GABRG3: variants seen among roughly 807,000 people sequenced by gnomAD.
GABRG3 encodes gamma-aminobutyric acid receptor subunit gamma-3.
Under a neutral mutation model 48.8 loss-of-function variants are expected in GABRG3, and 25 were observed. The ratio of observed to expected loss-of-function variants is 0.51; its 90% CI spans 0.37 to 0.72. GABRG3 has a LOEUF of 0.72. GABRG3 is among the 30% of genes least tolerant of loss of function. The pLI, the probability that GABRG3 is intolerant of heterozygous loss-of-function variation, is 0.00. For missense variants in GABRG3, 394 were observed against 577.9 expected, an observed-to-expected ratio of 0.68 and a Z score of 3.26; for synonymous variants, 227 against 217.6, an observed-to-expected ratio of 1.04 and a Z score of -0.38.
At chr15:27,187,870 T>C (rs1460996920) in intron 3 of GABRG3, among the ~76,000 whole-genome samples, 2 of 144,622 alleles carry the variant, frequency 1.4e-5, no homozygotes, top group African/African-American at 2.6e-5. Context: ...AATGCTATCC[T>C]TCCCCCCTCC....
intron 3 of GABRG3, among the ~76,000 whole-genome samples, chr15:27,144,047 A>G (rs1024082816): frequency 3.9e-5 from 6 of 152,244 alleles, no homozygotes; most frequent in Admixed American, 3.9e-4. Context: ...ACAGTTGGTA[A>G]GAAGAATAGT....
chr15:27,497,560 A>T (rs921802711), intron 6 of GABRG3, among the ~76,000 whole-genome samples: 1 of 152,222 alleles, frequency 6.6e-6, no homozygotes, highest in African/African-American at 2.4e-5. Context: ...AAATTTCTTT[A>T]TTCTTAAATG....
At chr15:27,282,500 C>T (rs1037412261) in intron 3 of GABRG3, among the ~76,000 whole-genome samples, 1 of 152,136 alleles carries the variant, frequency 6.6e-6, no homozygotes, top group Non-Finnish European at 1.5e-5. Flanking sequence ...CTATTAAGCC[C>T]ATTTAGTAAG....
At chr15:27,002,761 AAAGGAAGG>A (rs1219416419) in intron 2 of GABRG3, among the ~76,000 whole-genome samples, 5 of 41,370 alleles carry the variant, frequency 1.2e-4, no homozygotes, top group Non-Finnish European at 2.9e-4. Flanking sequence ...AAAAAAAAAA[AAAGGAAGG>A]AAGGAAGGAA....
chr15:27,529,492 A>T (rs935111572), intron 9 of GABRG3, among the ~76,000 whole-genome samples: 8 of 152,128 alleles, frequency 5.3e-5, no homozygotes, highest in Admixed American at 1.3e-4. Context: ...GCTAATCAGG[A>T]CCTCATATGC....
intron 3 of GABRG3, among the ~76,000 whole-genome samples, chr15:27,320,288 T>C (rs1893376230): frequency 6.6e-6 from 1 of 152,228 alleles, no homozygotes. Context: ...CAGGTGATTA[T>C]CACCCGGCTA....
chr15:27,244,526 G>C (rs905474753), intron 3 of GABRG3, among the ~76,000 whole-genome samples: 4 of 152,248 alleles, frequency 2.6e-5, no homozygotes, highest in Non-Finnish European at 5.9e-5. Flanking sequence ...TACTGCATTT[G>C]ATGCTTGTTT....
intron 5 of GABRG3, among the ~76,000 whole-genome samples, chr15:27,351,085 AGTGT>A (rs201032368): frequency 2.4e-5 from 3 of 127,240 alleles, no homozygotes; most frequent in African/African-American, 9.1e-5. Context: ...GTGTGTGTAT[AGTGT>A]GTGTATGGTG....
chr15:27,124,204 G>A (rs1048186317), intron 3 of GABRG3, among the ~76,000 whole-genome samples: 2 of 152,218 alleles, frequency 1.3e-5, no homozygotes, highest in African/African-American at 4.8e-5. Context: ...TCTGGATATT[G>A]TAAAGCCATA....
intron 2 of GABRG3, among the ~76,000 whole-genome samples, chr15:27,020,039 A>G (rs17647645): frequency 1.6e-3 from 239 of 152,178 alleles, no homozygotes; most frequent in Non-Finnish European, 2.5e-3. Context: ...AGCACCCACT[A>G]TTTACTGCGT....
intron 3 of GABRG3, among the ~76,000 whole-genome samples, chr15:27,046,537 C>T (rs924914951): frequency 2.0e-5 from 3 of 152,220 alleles, no homozygotes; most frequent in African/African-American, 4.8e-5. Flanking sequence ...TCTCCTGTAT[C>T]GTTAGTGCTG....
intron 5 of GABRG3, among the ~76,000 whole-genome samples, chr15:27,461,072 T>G (rs1473645019): frequency 1.3e-5 from 2 of 152,086 alleles, no homozygotes; most frequent in Non-Finnish European, 2.9e-5. Context: ...CACGAGATTG[T>G]TTTTGCTAAG....
intron 5 of GABRG3, among the ~76,000 whole-genome samples, chr15:27,379,661 T>A (rs555953175): frequency 6.6e-6 from 1 of 152,148 alleles, no homozygotes; most frequent in Admixed American, 6.6e-5. Flanking sequence ...TTCTCCTTCA[T>A]TTTTGAAGGG....
rs144224293 is a variant in GABRG3 at position 27,388,357 on chromosome 15, GAAGGAAGGAAGA to G, written c.574+59481_574+59492del. Among the ~76,000 whole-genome samples the G allele has an allele frequency of 1.6e-3, 42 of 26,980 alleles. 5 individuals are homozygous for G. Among genetic ancestry groups the G allele is most frequent in the South Asian group, 0.012 (6 of 520 alleles). 17.7% of individuals were successfully genotyped at this position (26,980 alleles called of 152,430 possible). ...AAGGAAAGGTGGGAGGGAGGGTAAG[GAAGGAAGGAAGA>G]AAGGAAGGAAGGAAGGAAAGGAGGG... On this transcript the variant is annotated intron_variant, in intron 5 of 9. Coordinates refer to ENST00000615808, the MANE Select transcript of GABRG3 (RefSeq NM_033223.5).
chr15:27,465,609 G>C (rs1226195958), intron 5 of GABRG3, among the ~76,000 whole-genome samples: 1 of 152,184 alleles, frequency 6.6e-6, no homozygotes, highest in Non-Finnish European at 1.5e-5. Flanking sequence ...TTCCAGAGAG[G>C]AGGGACACTG....
At chr15:27,309,498 C>G (rs1438709535) in intron 3 of GABRG3, among the ~76,000 whole-genome samples, 1 of 151,884 alleles carries the variant, frequency 6.6e-6, no homozygotes, top group African/African-American at 2.4e-5. Flanking sequence ...AAACAAAAAA[C>G]TTGGTAAAAG....
intron 9 of GABRG3, among the ~76,000 whole-genome samples, chr15:27,528,314 T>G (rs1477721989): frequency 6.6e-6 from 1 of 152,238 alleles, no homozygotes; most frequent in African/African-American, 2.4e-5. Flanking sequence ...TTTTATAGCC[T>G]CTTTTATAAC....
chr15:27,399,765 T>C (rs974229336), intron 5 of GABRG3, among the ~76,000 whole-genome samples: 3 of 152,172 alleles, frequency 2.0e-5, no homozygotes, highest in Non-Finnish European at 4.4e-5. Context: ...ATTTCCTATC[T>C]CAAGACTATT....
chr15:27,192,843 G>A (rs208143), intron 3 of GABRG3, among the ~76,000 whole-genome samples: 28,241 of 151,908 alleles, frequency 0.19, 2,693 homozygotes, highest in East Asian at 0.33. Context: ...CCATCTTTGT[G>A]GTTTTATCTG....
Sources: allele counts gnomAD v4.1 joint callset (sites outside exome capture counted in the v4.1 genomes callset), GRCh38; gene constraint gnomAD v4.1.1; transcripts MANE v1.5; gene names NCBI Gene and HGNC (gene_info 2026-07-23, HGNC 2026-07-21).